GALNTL6: variants seen among roughly 807,000 people sequenced by gnomAD.
GALNTL6 encodes the protein polypeptide N-acetylgalactosaminyltransferase-like 6.
GALNTL6 carries 46 observed loss-of-function variants against 73.7 expected under a neutral mutation model. The observed-to-expected ratio is 0.62, with a 90% CI of 0.49 to 0.80. The LOEUF is 0.80. Ranked by LOEUF, GALNTL6 falls within the 30% of genes least tolerant of loss-of-function variation. The pLI is 0.00. For synonymous variants in GALNTL6, 259 were observed against 263.7 expected, an observed-to-expected ratio of 0.98 and a Z score of 0.17; for missense variants, 604 against 755.0, an observed-to-expected ratio of 0.80 and a Z score of 2.34.
chr4:172,697,181 A>C (rs1488910328), intron 5 of GALNTL6, among the ~76,000 whole-genome samples: 6 of 152,234 alleles, frequency 3.9e-5, no homozygotes, highest in African/African-American at 1.4e-4. Context: ...AATAAAAATA[A>C]GATATCCTTA....
chr4:172,895,048 T>G (rs1197736069), intron 8 of GALNTL6, among the ~76,000 whole-genome samples: 2 of 151,830 alleles, frequency 1.3e-5, no homozygotes, highest in African/African-American at 4.8e-5. Context: ...GGAATAAATT[T>G]TTTTCATCCC....
chr4:171,997,917 C>T (rs1209230979), intron 2 of GALNTL6, among the ~76,000 whole-genome samples: 1 of 152,040 alleles, frequency 6.6e-6, no homozygotes, highest in Non-Finnish European at 1.5e-5. Flanking sequence ...TTAACTCCCA[C>T]AGGAGTATTC....
At chr4:172,404,090 C>G (rs558469132) in intron 5 of GALNTL6, among the ~76,000 whole-genome samples, 3 of 151,778 alleles carry the variant, frequency 2.0e-5, no homozygotes, top group African/African-American at 7.2e-5. Context: ...CTCTTTCTCT[C>G]TCTCTCTCTG....
chr4:172,431,262 G>A (rs1382892940), intron 5 of GALNTL6, among the ~76,000 whole-genome samples: 1 of 152,024 alleles, frequency 6.6e-6, no homozygotes, highest in Non-Finnish European at 1.5e-5. Context: ...TATTACTTAC[G>A]ATGCATTCCA....
chr4:172,057,719 AAAAAAAAAATATATATATAT>A (rs1231411827), intron 2 of GALNTL6, among the ~76,000 whole-genome samples: 83 of 61,102 alleles, frequency 1.4e-3, no homozygotes, highest in African/African-American at 3.9e-3. Context: ...AAAAAAAAAA[AAAAAAAAAATATATATATAT>A]ATATATATAT....
intron 2 of GALNTL6, among the ~76,000 whole-genome samples, chr4:172,137,059 T>C (rs1733656097): frequency 1.3e-5 from 2 of 152,136 alleles, no homozygotes; most frequent in African/African-American, 4.8e-5. Context: ...CAGAAGTCTT[T>C]ATATGATCCA....
chr4:172,163,657 G>A (rs976473139), intron 2 of GALNTL6, among the ~76,000 whole-genome samples: 18 of 151,982 alleles, frequency 1.2e-4, no homozygotes, highest in Admixed American at 3.3e-4. Flanking sequence ...TCATAGAAAG[G>A]AAAGGTTTCT....
intron 5 of GALNTL6, among the ~76,000 whole-genome samples, chr4:172,793,082 C>T (rs1208679354): frequency 6.6e-6 from 1 of 152,122 alleles, no homozygotes; most frequent in African/African-American, 2.4e-5. Context: ...GAGGACTGCA[C>T]CCTGTATTTC....
chr4:172,685,341 G>A (rs555484915), intron 5 of GALNTL6, among the ~76,000 whole-genome samples: 20 of 152,184 alleles, frequency 1.3e-4, no homozygotes, highest in Admixed American at 1.1e-3. Context: ...AATTATAGAA[G>A]ACATAATTGC....
intron 7 of GALNTL6, among the ~76,000 whole-genome samples, chr4:172,871,807 G>A (rs1268632231): frequency 2.0e-5 from 3 of 146,442 alleles, no homozygotes; most frequent in African/African-American, 7.6e-5. Flanking sequence ...TTTTGGTGAT[G>A]GAGTTTCGCT....
At chr4:171,913,896 C>T (rs1353546784) in intron 2 of GALNTL6, among the ~76,000 whole-genome samples, 1 of 152,106 alleles carries the variant, frequency 6.6e-6, no homozygotes, top group African/African-American at 2.4e-5. Flanking sequence ...CAACACAATA[C>T]TCAGGAATTA....
chr4:172,525,837 TG>T (rs1734933558), intron 5 of GALNTL6, among the ~76,000 whole-genome samples: 1 of 152,186 alleles, frequency 6.6e-6, no homozygotes, highest in Non-Finnish European at 1.5e-5. Context: ...CACTCCAGCC[TG>T]GGTGACAGAG....
intron 5 of GALNTL6, among the ~76,000 whole-genome samples, chr4:172,354,984 G>A (rs1032989492): frequency 1.3e-5 from 2 of 152,020 alleles, no homozygotes; most frequent in Admixed American, 1.3e-4. Flanking sequence ...CAAGCCTCAT[G>A]CTTACTACTA....
chr4:172,933,738 A>T (rs1435227216), intron 9 of GALNTL6, among the ~76,000 whole-genome samples: 1 of 152,220 alleles, frequency 6.6e-6, no homozygotes, highest in Non-Finnish European at 1.5e-5. Flanking sequence ...TTACCATATC[A>T]TCAAAAATGA....
At chr4:172,528,518 C>G (rs537705531) in intron 5 of GALNTL6, among the ~76,000 whole-genome samples, 1 of 150,866 alleles carries the variant, frequency 6.6e-6, no homozygotes, top group African/African-American at 2.4e-5. Flanking sequence ...CCACCACGCC[C>G]GGCTAATTTT....
intron 4 of GALNTL6, among the ~76,000 whole-genome samples, chr4:172,317,626 T>C (rs1480816949): frequency 6.6e-6 from 1 of 152,216 alleles, no homozygotes; most frequent in Non-Finnish European, 1.5e-5. Flanking sequence ...ATTTTGTAAA[T>C]ATACTATAAA....
intron 5 of GALNTL6, among the ~76,000 whole-genome samples, chr4:172,434,671 A>G (rs1415892811): frequency 2.0e-5 from 3 of 152,148 alleles, no homozygotes; most frequent in African/African-American, 7.2e-5. Context: ...GAAAACACAC[A>G]TTTACACACA....
At chr4:172,805,963 C>A (rs1013511475) in intron 5 of GALNTL6, among the ~76,000 whole-genome samples, 1 of 151,908 alleles carries the variant, frequency 6.6e-6, no homozygotes, top group African/African-American at 2.4e-5. Context: ...GTTCAAAATT[C>A]TCCATAATAA....
chr4:172,998,805 C>T (rs1193685344), intron 10 of GALNTL6, among the ~76,000 whole-genome samples: 3 of 152,164 alleles, frequency 2.0e-5, no homozygotes, highest in South Asian at 4.1e-4. Flanking sequence ...TCTTTGCTCA[C>T]TTTCAAAAAA....
Sources: gnomAD v4.1 joint callset for allele counts (sites outside exome capture counted in the v4.1 genomes callset) on GRCh38, gnomAD v4.1.1 for gene constraint, MANE v1.5 for transcripts, NCBI Gene and HGNC (gene_info 2026-07-23, HGNC 2026-07-21) for gene names.